The following CNTNAP2 variants were observed in gnomAD, a reference collection of about 807,000 sequenced individuals.
CNTNAP2 encodes contactin associated protein 2.
CNTNAP2 carries 98 observed loss-of-function variants against 155.2 expected under a neutral mutation model. That is an observed-to-expected ratio of 0.63 (90% CI 0.54 to 0.75). The LOEUF (loss-of-function observed/expected upper bound fraction) is 0.75, where lower values mean the gene tolerates loss of function less well. CNTNAP2 is among the 30% of genes least tolerant of loss of function. The pLI, the probability that CNTNAP2 is intolerant of heterozygous loss-of-function variation, is 0.00. For synonymous variants in CNTNAP2, 651 were observed against 631.2 expected (o/e 1.03, Z -0.47); for missense variants, 1,727 against 1,688.1 (o/e 1.02, Z -0.40).
intron 1 of CNTNAP2, among the ~76,000 whole-genome samples, chr7:146,636,705 T>C (rs561824107): frequency 1.1e-4 from 17 of 152,306 alleles, no homozygotes; most frequent in Non-Finnish European, 1.8e-4. Context: ...CGTTTCTAGG[T>C]CAAATCGTCT....
intron 15 of CNTNAP2, among the ~76,000 whole-genome samples, chr7:148,043,722 G>C (rs993088029): frequency 6.6e-6 from 1 of 152,068 alleles, no homozygotes; most frequent in African/African-American, 2.4e-5. Flanking sequence ...TCGTATTTTC[G>C]TTTTGCTTTG....
chr7:146,437,166 G>C lies in CNTNAP2; in HGVS notation c.97+320193G>C, dbSNP rs149495521. Among the ~76,000 whole-genome samples, 622 of 151,398 alleles carry C rather than the reference G, an allele frequency of 4.1e-3. 23 individuals carry two copies. The highest frequency in any genetic ancestry group is 0.015 in the African/African-American group (605 of 40,774). On this transcript the variant is annotated intron_variant, in intron 1 of 23. Coordinates refer to ENST00000361727, the MANE Select transcript of CNTNAP2 (RefSeq NM_014141.6). ...TGCATGAGAGGGATTTAGGTTGCGC[G>C]CTCCTTATGAGAATCAAGCTAATGC...
In CNTNAP2 at chr7:147,973,569, G is replaced by A. The variant is rs188322358; in HGVS notation, c.2256-4293G>A. ...TTTTGCTTAGTATGGTATATTGATA[G>A]ATTAGGGGTAAATGTGAATAAAACA... On this transcript the variant is annotated intron_variant, in intron 14 of 23. Coordinates refer to ENST00000361727, the MANE Select transcript of CNTNAP2 (RefSeq NM_014141.6). Among the ~76,000 whole-genome samples, 263 of 152,272 alleles carry A rather than the reference G, an allele frequency of 1.7e-3. 2 individuals are homozygous for A. The highest frequency in any genetic ancestry group is 1.8e-3 in the Non-Finnish European group (125 of 68,028).
intron 13 of CNTNAP2, among the ~76,000 whole-genome samples, chr7:147,790,260 A>G (rs987065926): frequency 2.0e-5 from 3 of 152,016 alleles, no homozygotes; most frequent in Admixed American, 6.5e-5. Context: ...CACTTTCTTC[A>G]ACATATATAT....
intron 4 of CNTNAP2, among the ~76,000 whole-genome samples, chr7:147,096,516 T>C (rs370932368): frequency 6.6e-6 from 1 of 152,208 alleles, no homozygotes; most frequent in Non-Finnish European, 1.5e-5. Flanking sequence ...CAGGGAAATA[T>C]GTCTCTCTTG....
At position 146,623,717 on chromosome 7, in the gene CNTNAP2, C is replaced by CTG. The variant is rs371499330; in HGVS notation, c.98-150544_98-150543dup. ...TGAAGCTGTTATTAATGTTCATGGG[C>CTG]TGTGTGTGTGTACATAAGTTTTCAA... On this transcript the variant is annotated intron_variant, in intron 1 of 23. Coordinates refer to ENST00000361727, the MANE Select transcript of CNTNAP2 (RefSeq NM_014141.6). Among the ~76,000 whole-genome samples, 14 of 152,000 alleles carry CTG rather than the reference C, an allele frequency of 9.2e-5. No homozygotes were observed. In the East Asian group the frequency reaches 2.3e-3, roughly 25 times the overall value.
At chr7:148,055,599 C>A (rs1317807849) in intron 15 of CNTNAP2, among the ~76,000 whole-genome samples, 2 of 152,152 alleles carry the variant, frequency 1.3e-5, no homozygotes, top group African/African-American at 2.4e-5. Flanking sequence ...CTAGTGAGAT[C>A]TAAATATATA....
At chr7:147,699,288 A>G (rs1015774623) in intron 13 of CNTNAP2, among the ~76,000 whole-genome samples, 4 of 151,860 alleles carry the variant, frequency 2.6e-5, no homozygotes, top group African/African-American at 9.7e-5. Context: ...GAATGAGTTC[A>G]TGTCCTTTGC....
intron 1 of CNTNAP2, among the ~76,000 whole-genome samples, chr7:146,486,222 G>A (rs557598317): frequency 7.8e-4 from 118 of 151,654 alleles, no homozygotes; most frequent in African/African-American, 2.3e-3. Flanking sequence ...CCGCCACCGC[G>A]CCCGGCTAAT....
At chr7:147,139,788 G>A (rs933833064) in intron 8 of CNTNAP2, among the ~76,000 whole-genome samples, 2 of 152,164 alleles carry the variant, frequency 1.3e-5, no homozygotes, top group African/African-American at 2.4e-5. Context: ...TCAGTATCAT[G>A]TTTAGCCACA....
chr7:146,526,056 T>C (rs891153807), intron 1 of CNTNAP2, among the ~76,000 whole-genome samples: 8 of 151,950 alleles, frequency 5.3e-5, no homozygotes, highest in African/African-American at 1.9e-4. Context: ...TTTTTCTGAT[T>C]TGAAAATAAA....
In CNTNAP2 at chr7:147,562,042, A is replaced by G. The variant is rs539144465; in HGVS notation, c.1778-96A>G. On this transcript the variant is annotated intron_variant, in intron 11 of 23. Coordinates refer to ENST00000361727, the MANE Select transcript of CNTNAP2 (RefSeq NM_014141.6). Reference sequence around the variant, plus strand: ...TTTCCAGGAAGAACTACTCCTAACTAGTGGTTTGCTAGCATTGCAATATGC... The same window carrying G: ...TTTCCAGGAAGAACTACTCCTAACTGGTGGTTTGCTAGCATTGCAATATGC... The G allele has an allele frequency of 3.6e-3, 5,373 of 1,474,296 alleles. 14 individuals carry two copies. Among genetic ancestry groups the G allele is most frequent in the Middle Eastern group, 6.1e-3 (35 of 5,736 alleles). 91.3% of individuals were successfully genotyped at this position (1,474,296 alleles called of 1,614,324 possible). A position where few individuals can be genotyped will look rare whatever the true frequency, so the allele number is the denominator to read the frequency against.
intron 1 of CNTNAP2, among the ~76,000 whole-genome samples, chr7:146,702,430 C>G (rs1241983392): frequency 6.6e-6 from 1 of 152,024 alleles, no homozygotes; most frequent in African/African-American, 2.4e-5. Context: ...TTTAGAAAAG[C>G]ATTCTATCTA....
chr7:147,326,012 T>C (rs993026417), intron 9 of CNTNAP2, among the ~76,000 whole-genome samples: 4 of 152,148 alleles, frequency 2.6e-5, no homozygotes, highest in African/African-American at 9.7e-5. Flanking sequence ...AAGCTCCACC[T>C]CCTGGGTTCA....
In CNTNAP2 at chr7:147,936,301, T is replaced by TTA. The variant is rs1554451860; in HGVS notation, c.2255+32581_2255+32582insAT. On this transcript the variant is annotated intron_variant, in intron 14 of 23. Transcript: ENST00000361727. ...TATACTGTACACGACATTTATTTTA[T>TTA]TTTTTTTTTTTTGCACTCACTTATT... Among the ~76,000 whole-genome samples the TTA allele has an allele frequency of 7.6e-5, 3 of 39,328 alleles. No homozygotes were observed. The Admixed American group carries it at 1.1e-3, about 15-fold the overall frequency. 25.8% of individuals were successfully genotyped at this position (39,328 alleles called of 152,430 possible).
At chr7:146,629,111 T>A (rs888823028) in intron 1 of CNTNAP2, among the ~76,000 whole-genome samples, 1 of 152,170 alleles carries the variant, frequency 6.6e-6, no homozygotes, top group Non-Finnish European at 1.5e-5. Context: ...CTCAACATAA[T>A]TCAGAAATGT....
chr7:147,968,328 T>G (rs895074250), intron 14 of CNTNAP2, among the ~76,000 whole-genome samples: 1 of 152,246 alleles, frequency 6.6e-6, no homozygotes, highest in African/African-American at 2.4e-5. Flanking sequence ...AAGCAGTAAT[T>G]GAATCTGTAA....
At chr7:148,105,036 A>C (rs1300263641) in intron 15 of CNTNAP2, among the ~76,000 whole-genome samples, 1 of 152,212 alleles carries the variant, frequency 6.6e-6, no homozygotes, top group African/African-American at 2.4e-5. Flanking sequence ...CAAGCTAGAT[A>C]TTACAGTTAG....
intron 11 of CNTNAP2, among the ~76,000 whole-genome samples, chr7:147,554,548 AACT>A (rs139514044): frequency 0.2 from 29,774 of 151,984 alleles, 3,118 homozygotes; most frequent in Admixed American, 0.29. Context: ...CAAGTAAAAG[AACT>A]ACAAGCTATT....
Sources: gnomAD v4.1 joint callset for allele counts (sites outside exome capture counted in the v4.1 genomes callset) on GRCh38, gnomAD v4.1.1 for gene constraint, MANE v1.5 for transcripts, NCBI Gene and HGNC (gene_info 2026-07-23, HGNC 2026-07-21) for gene names.